The following VPS13B variants were observed in gnomAD, a reference collection of about 807,000 sequenced individuals.
VPS13B encodes the protein vacuolar protein sorting 13 homolog B.
In VPS13B, 285 loss-of-function variants were observed where a neutral mutation model predicts 426.4. The ratio of observed to expected loss-of-function variants is 0.67; its 90% confidence interval spans 0.61 to 0.74. The LOEUF (loss-of-function observed/expected upper bound fraction) is 0.74. Among genes scored for constraint, VPS13B ranks in the 30% least tolerant of loss-of-function variants. VPS13B has a pLI of 0.00. For synonymous variants in VPS13B, 1,676 were observed against 1,676.4 expected (o/e 1.00, Z 0.01); for missense variants, 4,537 against 4,782.6 (o/e 0.95, Z 1.51).
intron 19 of VPS13B, among the ~76,000 whole-genome samples, chr8:99,372,556 T>C (rs989451716): frequency 6.6e-6 from 1 of 152,082 alleles, no homozygotes; most frequent in Admixed American, 6.5e-5. Context: ...AACAAACATA[T>C]GAAAAAAAGT....
At chr8:99,066,118 C>T (rs1170875483) in intron 3 of VPS13B, among the ~76,000 whole-genome samples, 5 of 152,190 alleles carry the variant, frequency 3.3e-5, no homozygotes, top group Admixed American at 3.3e-4. Flanking sequence ...ATGAAGCTAC[C>T]AATGACTTTC....
intron 24 of VPS13B, among the ~76,000 whole-genome samples, chr8:99,476,953 T>C (rs913301807): frequency 1.3e-5 from 2 of 152,212 alleles, no homozygotes; most frequent in African/African-American, 4.8e-5. Context: ...ACTAATAAGA[T>C]TGAGCTTTTT....
intron 27 of VPS13B, among the ~76,000 whole-genome samples, chr8:99,505,594 C>G (rs930352580): frequency 6.6e-6 from 1 of 151,918 alleles, no homozygotes; most frequent in Non-Finnish European, 1.5e-5. Context: ...TTCATGATGT[C>G]CTGAAATAAT....
chr8:99,789,553 G>A (rs1404629861), intron 43 of VPS13B, among the ~76,000 whole-genome samples: 1 of 152,146 alleles, frequency 6.6e-6, no homozygotes, highest in Non-Finnish European at 1.5e-5. Context: ...TTTTGACCCA[G>A]TAAGTCTCCC....
At chr8:99,589,366 C>T (rs547282823) in intron 33 of VPS13B, among the ~76,000 whole-genome samples, 1 of 151,592 alleles carries the variant, frequency 6.6e-6, no homozygotes, top group Non-Finnish European at 1.5e-5. Flanking sequence ...TCCCCCAACC[C>T]CACAACAGTC....
intron 8 of VPS13B, among the ~76,000 whole-genome samples, chr8:99,129,697 A>G (rs1294835101): frequency 2.0e-5 from 3 of 152,102 alleles, no homozygotes; most frequent in African/African-American, 7.2e-5. Context: ...ATTACAAGTT[A>G]AGTACCGTCC....
rs1810650203 is a variant in VPS13B at position 99,145,359 on chromosome 8, G to T, written c.1843+2194G>T. Among the ~76,000 whole-genome samples the T allele has an allele frequency of 4.6e-5, 7 of 152,164 alleles. No homozygotes were observed. In the South Asian group the frequency reaches 1.5e-3, roughly 32 times the overall value. On this transcript the variant is annotated intron_variant, in intron 13 of 61. Coordinates refer to ENST00000357162, the MANE Select transcript of VPS13B (RefSeq NM_152564.5). Reference sequence around the variant, plus strand: ...TCTATACAATTTCATCACCTTTGTAGGTTTGTGTGTTCACTACCATGGTCA... The same window carrying T: ...TCTATACAATTTCATCACCTTTGTATGTTTGTGTGTTCACTACCATGGTCA...
intron 12 of VPS13B, among the ~76,000 whole-genome samples, chr8:99,137,191 CTTA>C (rs994550022): frequency 5.3e-5 from 8 of 151,286 alleles, no homozygotes; most frequent in African/African-American, 1.9e-4. Context: ...TATTATGTAC[CTTA>C]TTATTGTATT....
intron 39 of VPS13B, among the ~76,000 whole-genome samples, chr8:99,752,011 C>A (rs972870027): frequency 6.6e-5 from 10 of 152,102 alleles, no homozygotes; most frequent in African/African-American, 2.4e-4. Flanking sequence ...AGGGAGACAA[C>A]TATCTGTCTT....
chr8:99,736,065 A>T (rs1233006808), intron 39 of VPS13B, among the ~76,000 whole-genome samples: 1 of 152,200 alleles, frequency 6.6e-6, no homozygotes, highest in Non-Finnish European at 1.5e-5. Flanking sequence ...TTTTTTACCA[A>T]TGTTTCCCTG....
intron 17 of VPS13B, among the ~76,000 whole-genome samples, chr8:99,265,383 G>A (rs929703358): frequency 2.8e-4 from 43 of 152,070 alleles, no homozygotes; most frequent in Non-Finnish European, 4.6e-4. Context: ...GAGCTTGCTC[G>A]TTTCAGAGAG....
chr8:99,822,526 G>GA lies in VPS13B; in HGVS notation c.9183+1050dup, dbSNP rs542376567. On this transcript the variant is annotated intron_variant, in intron 50 of 61. Coordinates refer to ENST00000357162, the MANE Select transcript of VPS13B (RefSeq NM_152564.5). Reference sequence around the variant, plus strand: ...AGTTGAGAACTACCATCAAAACCTGGAAAAAATGTTATAATATTCAGTCAA... The same window carrying GA: ...AGTTGAGAACTACCATCAAAACCTGGAAAAAAATGTTATAATATTCAGTCAA... 7.2e-5 allele frequency among the ~76,000 whole-genome samples: 11 copies of GA among 152,204 alleles called. No individual in the cohort carries two copies. The South Asian group carries it at 1.9e-3, about 26-fold the overall frequency.
chr8:99,029,669 G>A (rs180788618), intron 2 of VPS13B, among the ~76,000 whole-genome samples: 2 of 151,882 alleles, frequency 1.3e-5, no homozygotes, highest in Non-Finnish European at 2.9e-5. Flanking sequence ...GCAGGCACTC[G>A]GCAGGCTGAG....
chr8:99,333,231 T>C (rs987585351), intron 19 of VPS13B, among the ~76,000 whole-genome samples: 1 of 151,732 alleles, frequency 6.6e-6, no homozygotes, highest in African/African-American at 2.4e-5. Context: ...GTAAAATTAA[T>C]GCCCAGGAAA....
At chr8:99,156,852 G>GGTAAGATTTAAATAAGAA (rs1811389814) in intron 15 of VPS13B, 109 bp downstream of exon 15, 1 of 1,003,814 alleles carries the variant, frequency 1.0e-6, no homozygotes, top group African/African-American at 1.6e-5. Context: ...TACTCTAAAA[G>GGTAAGATTTAAATAAGAA]GTAAGATTTA....
chr8:99,556,746 G>C, intron 31 of VPS13B, 93 bp downstream of exon 31: 2 of 1,293,770 alleles, frequency 1.5e-6, no homozygotes, highest in South Asian at 1.3e-5. Context: ...ACCAACCTAA[G>C]TATTTTGGTA....
intron 19 of VPS13B, among the ~76,000 whole-genome samples, chr8:99,285,953 TAA>T (rs1819415237): frequency 6.6e-6 from 1 of 152,142 alleles, no homozygotes; most frequent in Non-Finnish European, 1.5e-5. Context: ...TGTGAGAGTT[TAA>T]GTGTTTTACT....
chr8:99,460,834 C>A (rs1818787996), intron 23 of VPS13B, among the ~76,000 whole-genome samples: 1 of 152,136 alleles, frequency 6.6e-6, no homozygotes, highest in Non-Finnish European at 1.5e-5. Flanking sequence ...TCTCTTTGAT[C>A]ATGGCAGCAA....
At chr8:99,034,849 G>T (rs181968711) in intron 2 of VPS13B, among the ~76,000 whole-genome samples, 1 of 152,180 alleles carries the variant, frequency 6.6e-6, no homozygotes, top group Admixed American at 6.5e-5. Context: ...AAGTCTTGTC[G>T]CATGCGCGCG....
Sources: allele counts gnomAD v4.1 joint callset (sites outside exome capture counted in the v4.1 genomes callset), GRCh38; gene constraint gnomAD v4.1.1; transcripts MANE v1.5; gene names NCBI Gene and HGNC (gene_info 2026-07-23, HGNC 2026-07-21).